Variants in SHISAL2B observed in about 807,000 individuals in gnomAD.
The protein encoded by SHISAL2B is shisa like 2B, also known as protein shisa-like-2B.
SHISAL2B carries 12 observed loss-of-function variants against 16.5 expected under a neutral mutation model. That is an observed-to-expected ratio of 0.73 (90% CI 0.47 to 1.18). SHISAL2B has a LOEUF of 1.18. Among genes scored for constraint, SHISAL2B ranks in the 50% most tolerant of loss-of-function variants. SHISAL2B has a pLI of 0.00. For synonymous variants in SHISAL2B, 72 were observed against 75.0 expected (o/e 0.96, Z 0.21); for missense variants, 183 against 193.6 (o/e 0.95, Z 0.33).
intron 2 of SHISAL2B, among the ~76,000 whole-genome samples, chr5:64,713,664 C>G (rs1255200591): frequency 8.1e-6 from 1 of 123,914 alleles, no homozygotes; most frequent in Non-Finnish European, 1.6e-5. Flanking sequence ...CTCCCCATCA[C>G]TTTCAGGTAC....
chr5:64,694,086 G>C (rs1429933101), intron 1 of SHISAL2B: 2 of 455,748 alleles, frequency 4.4e-6, no homozygotes, highest in African/African-American at 4.0e-5. Flanking sequence ...TTTTGGTACA[G>C]GTCAAACTTG....
intron 2 of SHISAL2B, among the ~76,000 whole-genome samples, chr5:64,713,314 G>C: frequency 7.6e-6 from 1 of 131,340 alleles, no homozygotes; most frequent in Admixed American, 7.6e-5. Flanking sequence ...AGTTTGGCTG[G>C]ATATGAAATT....
At chr5:64,692,800 C>A (rs953471872) in intron 1 of SHISAL2B, among the ~76,000 whole-genome samples, 15 of 152,156 alleles carry the variant, frequency 9.9e-5, no homozygotes, top group African/African-American at 1.9e-4. Flanking sequence ...CCCTTCCCAT[C>A]TTTTCTCCTC....
At chr5:64,708,236 A>C (rs1175691542) in intron 2 of SHISAL2B, among the ~76,000 whole-genome samples, 1 of 152,216 alleles carries the variant, frequency 6.6e-6, no homozygotes, top group African/African-American at 2.4e-5. Context: ...TGCTTCCTGT[A>C]TGATTTCTAT....
At chr5:64,701,563 G>C (rs1741810308) in intron 2 of SHISAL2B, among the ~76,000 whole-genome samples, 1 of 152,096 alleles carries the variant, frequency 6.6e-6, no homozygotes, top group Non-Finnish European at 1.5e-5. Flanking sequence ...CAAAGAGAAG[G>C]GTTCTTAGAA....
chr5:64,690,616 T>G lies in SHISAL2B; in HGVS notation c.-8T>G. ...GCCCTCGCGAGCCTCTCCCGGCCCC[T>G]GCCCGCGATGAGCGAGGCCAGCCGA... On this transcript the variant is annotated 5_prime_UTR_variant, in exon 1 of 3. Transcript: ENST00000389074. 6.8e-7 allele frequency: 1 copy of G among 1,481,212 alleles called. No homozygotes were observed. Among genetic ancestry groups the G allele is most frequent in the Non-Finnish European group, 9.0e-7 (1 of 1,114,460 alleles). 91.8% of individuals were successfully genotyped at this position (1,481,212 alleles called of 1,614,324 possible).
intron 1 of SHISAL2B, chr5:64,693,959 C>T (rs1741691587): frequency 2.7e-6 from 1 of 366,728 alleles, no homozygotes; most frequent in Admixed American, 3.6e-5. Context: ...GGGTGCTCTA[C>T]CTCCTGAAAT....
chr5:64,714,375 C>T (rs897296333), intron 2 of SHISAL2B, among the ~76,000 whole-genome samples: 10 of 147,290 alleles, frequency 6.8e-5, no homozygotes, highest in Admixed American at 5.3e-4. Flanking sequence ...CAGGGACCCA[C>T]TTGAGGAGGC....
At chr5:64,691,063 G>T (rs1393717403) in intron 1 of SHISAL2B, among the ~76,000 whole-genome samples, 1 of 152,200 alleles carries the variant, frequency 6.6e-6, no homozygotes, top group East Asian at 1.9e-4. Flanking sequence ...CGGGCTTTGC[G>T]CCCAGGGCGC....
intron 2 of SHISAL2B, among the ~76,000 whole-genome samples, chr5:64,713,132 T>C (rs1741983286): frequency 7.0e-6 from 1 of 143,592 alleles, no homozygotes; most frequent in South Asian, 2.4e-4. Context: ...TTCTTCCTAG[T>C]CTCGATGGTC....
chr5:64,691,473 A>C (rs1480640920), intron 1 of SHISAL2B: 1 of 150,094 alleles, frequency 6.7e-6, no homozygotes, highest in Non-Finnish European at 1.5e-5. Flanking sequence ...CCTACCCTGG[A>C]GAGAATTGAA....
At chr5:64,700,290 C>T (rs1435193264) in intron 2 of SHISAL2B, among the ~76,000 whole-genome samples, 1 of 152,150 alleles carries the variant, frequency 6.6e-6, no homozygotes, top group Non-Finnish European at 1.5e-5. Flanking sequence ...AGTTGTCCCT[C>T]AGTATTCATT....
intron 2 of SHISAL2B, among the ~76,000 whole-genome samples, chr5:64,713,124 CT>C (rs1315952412): frequency 1.4e-5 from 2 of 143,012 alleles, no homozygotes; most frequent in Admixed American, 1.4e-4. Flanking sequence ...GATGCAGTTT[CT>C]TCCTAGTCTC....
chr5:64,705,855 A>G (rs968612405), intron 2 of SHISAL2B, among the ~76,000 whole-genome samples: 5 of 152,166 alleles, frequency 3.3e-5, no homozygotes, highest in African/African-American at 1.2e-4. Context: ...GACATGAGAC[A>G]TCAGTTAATA....
chr5:64,715,287 C>G (rs1742029848), intron 2 of SHISAL2B, among the ~76,000 whole-genome samples: 1 of 150,242 alleles, frequency 6.7e-6, no homozygotes, highest in African/African-American at 2.4e-5. Context: ...GGTTTAGATT[C>G]ACCAAAAAAA....
chr5:64,691,934 A>G (rs1580516612), intron 1 of SHISAL2B, among the ~76,000 whole-genome samples: 6 of 152,376 alleles, frequency 3.9e-5, no homozygotes, highest in African/African-American at 1.2e-4. Context: ...TGCCAAGTCT[A>G]TAGCAAATGA....
intron 2 of SHISAL2B, among the ~76,000 whole-genome samples, chr5:64,702,304 G>T (rs147835059): frequency 6.6e-6 from 1 of 151,896 alleles, no homozygotes; most frequent in Non-Finnish European, 1.5e-5. Flanking sequence ...GGGTTCAAGC[G>T]GTTCTTCTGC....
intron 2 of SHISAL2B, among the ~76,000 whole-genome samples, chr5:64,696,881 G>T (rs879680666): frequency 1.3e-4 from 20 of 152,116 alleles, no homozygotes; most frequent in Admixed American, 9.8e-4. Flanking sequence ...ATCTTTGTTG[G>T]CTTCAGAAGC....
At chr5:64,697,553 C>A (rs1741756586) in intron 2 of SHISAL2B, among the ~76,000 whole-genome samples, 2 of 151,948 alleles carry the variant, frequency 1.3e-5, no homozygotes, top group Non-Finnish European at 2.9e-5. Flanking sequence ...ATATGAATTT[C>A]TATAGTGTAT....
Sources: gnomAD v4.1 joint callset for allele counts (sites outside exome capture counted in the v4.1 genomes callset) on GRCh38, gnomAD v4.1.1 for gene constraint, MANE v1.5 for transcripts, NCBI Gene and HGNC (gene_info 2026-07-23, HGNC 2026-07-21) for gene names.